EIF3G: variants seen among roughly 807,000 people sequenced by gnomAD.
The protein encoded by EIF3G is eukaryotic translation initiation factor 3 subunit G.
In EIF3G, 10 loss-of-function variants were observed where a neutral mutation model predicts 41.7. The observed-to-expected ratio is 0.24, with a 90% CI of 0.15 to 0.41. The LOEUF is 0.41. Among genes scored for constraint, EIF3G ranks in the 10% least tolerant of loss-of-function variants. The pLI is 1.00. For missense variants in EIF3G, 297 were observed against 444.0 expected, an observed-to-expected ratio of 0.67 and a Z score of 2.98; for synonymous variants, 204 against 172.5, an observed-to-expected ratio of 1.18 and a Z score of -1.43.
rs369841100 is a variant in EIF3G at position 10,115,720 on chromosome 19, G to A, written c.804C>T (p.Ile268=). 5 of 1,614,096 alleles carry A rather than the reference G, an allele frequency of 3.1e-6. No homozygotes were observed. Among genetic ancestry groups the A allele is most frequent in the African/African-American group, 2.7e-5 (2 of 74,954 alleles). The change falls in exon 9 of 11, where the codon ATC becomes ATT. Residue 268 remains isoleucine (I), a synonymous_variant. Coordinates refer to ENST00000253108, the MANE Select transcript of EIF3G (RefSeq NM_003755.5). ...LFRPFGSISR[I]YLAKDKTTGQ... is the part of the protein sequence containing the mutation. ...CAGTGGTCTTGTCCTTAGCCAGGTAGATGCGGGAGATGGAGCCGAAAGGCC... is the reference window on the plus strand; with the variant it reads ...CAGTGGTCTTGTCCTTAGCCAGGTAAATGCGGGAGATGGAGCCGAAAGGCC...
rs536776673 is a variant in EIF3G at position 10,119,305 on chromosome 19, C to T, written c.68-134G>A. 1.6e-5 allele frequency: 16 copies of T among 1,025,408 alleles called. No individual in the cohort carries two copies. The East Asian group carries it at 4.1e-4, about 27-fold the overall frequency. 63.5% of individuals were successfully genotyped at this position (1,025,408 alleles called of 1,614,324 possible). A position where few individuals can be genotyped will look rare whatever the true frequency, so the allele number is the denominator to read the frequency against. ...GGCCAAGGGCAGAGGGCTGGCCAGG[C>T]AACGCACTGGGATGGCCCTGTGGGG... On this transcript the variant is annotated intron_variant, in intron 2 of 10. Transcript: ENST00000253108.
rs1568494853 is a variant in EIF3G, at chr19:10,116,141, G to A, written c.596-67C>T. The A allele has an allele frequency of 3.3e-6, 5 of 1,494,944 alleles. No individual in the cohort carries two copies. Among genetic ancestry groups the A allele is most frequent in the Non-Finnish European group, 3.7e-6 (4 of 1,094,538 alleles). 92.6% of individuals were successfully genotyped at this position (1,494,944 alleles called of 1,614,324 possible). On this transcript the variant is annotated intron_variant, in intron 7 of 10. Transcript: ENST00000253108. The surrounding 1 kb of genome is among the most constrained non-coding windows in gnomAD (Gnocchi z 4.1). ...CAGGCGTGGGGACAGAGCCGCCCCA[G>A]GAAGCTCGGGCTTCAGTGTTGAGCC...
chr19:10,115,441 G>GGCAGGGA, intron 10 of EIF3G, 38 bp downstream of exon 10: 1 of 1,574,040 alleles, frequency 6.4e-7, no homozygotes. Flanking sequence ...GCTGGGACAA[G>GGCAGGGA]GCAGGGAGCA....
chr19:10,118,420 G>GC, intron 5 of EIF3G: 1 of 419,330 alleles, frequency 2.4e-6, no homozygotes, highest in South Asian at 2.3e-5. Context: ...ACAAAAATTA[G>GC]CTGGCGTGGT....
In EIF3G at chr19:10,116,909, G is replaced by C. The variant is rs751110674; in HGVS notation, c.486C>G (p.Gly162=). 1 of 1,613,960 alleles carries C rather than the reference G, an allele frequency of 6.2e-7. No individual in the cohort carries two copies. The highest frequency in any genetic ancestry group is 1.7e-5 in the Admixed American group (1 of 60,000). Residue 162 remains glycine (G), a synonymous_variant, in exon 7 of 11, where the codon GGC becomes GGG. Transcript: ENST00000253108. This position sits in a 1 kb window ranked among gnomAD's most constrained non-coding sequence, Gnocchi z 4.1. ...QKIVSCRICK[G]DHWTTRCPYK... Reference sequence around the variant, plus strand: ...AGGGGCAGCGGGTGGTCCAGTGGTCGCCCTTGCAGATGCGGCAGGACACGA... The same window carrying C: ...AGGGGCAGCGGGTGGTCCAGTGGTCCCCCTTGCAGATGCGGCAGGACACGA...
chr19:10,116,162 G>T lies in EIF3G; in HGVS notation c.596-88C>A. The T allele has an allele frequency of 7.4e-7, 1 of 1,357,734 alleles. No homozygotes were observed. Among genetic ancestry groups the T allele is most frequent in the Non-Finnish European group, 1.0e-6 (1 of 984,420 alleles). The allele number at this position is 1,357,734 out of a possible 1,614,324, so 84.1% of individuals were successfully genotyped here. ...CCCAGGAAGCTCGGGCTTCAGTGTT[G>T]AGCCAGCGCAGGCACTGTGTGCCAA... On this transcript the variant is annotated intron_variant, in intron 7 of 10. Coordinates refer to ENST00000253108, the MANE Select transcript of EIF3G (RefSeq NM_003755.5). The surrounding 1 kb of genome is among the most constrained non-coding windows in gnomAD (Gnocchi z 4.1).
At position 10,116,319 on chromosome 19, in the gene EIF3G, GAGGACAAC is replaced by G; in HGVS notation, c.596-253_596-246del. The G allele has an allele frequency of 1.7e-6, 1 of 576,044 alleles. No homozygotes were observed. The highest frequency in any genetic ancestry group is 3.1e-6 in the Non-Finnish European group (1 of 322,280). 35.7% of individuals were successfully genotyped at this position (576,044 alleles called of 1,614,324 possible). On this transcript the variant is annotated intron_variant, in intron 7 of 10. Transcript: ENST00000253108. This position sits in a 1 kb window ranked among gnomAD's most constrained non-coding sequence, Gnocchi z 4.1. ...CCCGACCCCACCCCAGAGAGGGCGG[GAGGACAAC>G]AGGGGCAGCAGCCTCACATGCACAG... is the stretch of plus-strand genomic sequence containing the variant.
At chr19:10,118,564 CAAA>C (rs61403454) in intron 5 of EIF3G, 101 bp downstream of exon 5, 17,584 of 891,416 alleles carry the variant, frequency 0.02, no homozygotes, top group East Asian at 0.024. Flanking sequence ...CACTCTGTCT[CAAA>C]AAAAAAAAAA....
rs888351041 is a variant in EIF3G, at chr19:10,117,102, C to T, written c.387G>A (p.Thr129=). The T allele has an allele frequency of 5.6e-6, 9 of 1,613,520 alleles. No individual in the cohort carries two copies. The highest frequency in any genetic ancestry group is 1.6e-4 in the Middle Eastern group (1 of 6,076). The change falls in exon 6 of 11, where the codon ACG becomes ACA. Residue 129 remains threonine, a synonymous_variant. Transcript: ENST00000253108. ...TTTVSDDVSM[T]FITSKEDLNC... ...CGCTTACCTCTTTGCTGGTGATGAA[C>T]GTCATAGAGACATCGTCACTGACAG...
intron 10 of EIF3G, 130 bp downstream of exon 10, chr19:10,115,349 T>C: frequency 1.7e-6 from 2 of 1,207,348 alleles, no homozygotes; most frequent in Non-Finnish European, 2.3e-6. Context: ...AAAAAAACAA[T>C]AAAGGACTGT....
chr19:10,116,127 A>G lies in EIF3G; in HGVS notation c.596-53T>C. The G allele has an allele frequency of 6.4e-7, 1 of 1,551,592 alleles. No individual in the cohort carries two copies. Among genetic ancestry groups the G allele is most frequent in the Non-Finnish European group, 8.8e-7 (1 of 1,135,046 alleles). On this transcript the variant is annotated intron_variant, in intron 7 of 10. Coordinates refer to ENST00000253108, the MANE Select transcript of EIF3G (RefSeq NM_003755.5). This position sits in a 1 kb window ranked among gnomAD's most constrained non-coding sequence, Gnocchi z 4.1. ...ACCTCACTGTGGCGCAGGCGTGGGG[A>G]CAGAGCCGCCCCAGGAAGCTCGGGC...
chr19:10,115,339 A>G (rs2145225338), intron 10 of EIF3G, 140 bp downstream of exon 10: 1 of 1,188,324 alleles, frequency 8.4e-7, no homozygotes, highest in South Asian at 1.6e-5. Flanking sequence ...CCGGTTTTGG[A>G]AAAAAACAAT....
chr19:10,119,524 C>G, intron 2 of EIF3G, 130 bp downstream of exon 2: 1 of 1,261,810 alleles, frequency 7.9e-7, no homozygotes. Context: ...AGGCGGGTCC[C>G]AAGGAGGATG....
Position 10,115,036 on chromosome 19 carries a change from T to C in EIF3G, c.*78A>G. On this transcript the variant is annotated 3_prime_UTR_variant, in exon 11 of 11. Coordinates refer to ENST00000253108, the MANE Select transcript of EIF3G (RefSeq NM_003755.5). ...AAGTAGAGAGAGTGGAGCTGCTTTA[T>C]TGCCCTTGGAGCCCGCGCTCTCGGA... 2 of 1,595,404 alleles carry C rather than the reference T, an allele frequency of 1.3e-6. No homozygotes were observed. The highest frequency in any genetic ancestry group is 1.1e-5 in the South Asian group (1 of 89,460).
rs772230875 is a variant in EIF3G at position 10,119,128 on chromosome 19, G to A, written c.111C>T (p.Ala37=). The change falls in exon 3 of 11, where the codon GCC becomes GCT. Residue 37 remains alanine (A), a synonymous_variant. Transcript: ENST00000253108. The stretch of plus-strand genomic sequence containing the variant: ...CTGGCTCTGGGCTGGTGTCACCTGT[G>A]GCCAGAGGGATCCCCTTGAGGAGCT... ...TSELLKGIPL[A]TGDTSPEPEL... The A allele has an allele frequency of 2.1e-5, 33 of 1,601,858 alleles. No individual in the cohort carries two copies. Among genetic ancestry groups the A allele is most frequent in the Non-Finnish European group, 2.6e-6 (3 of 1,173,512 alleles).
At position 10,118,871 on chromosome 19, in the gene EIF3G, G is replaced by A. The variant is rs1021575003; in HGVS notation, c.237C>T (p.Phe79=). The change falls in exon 4 of 11, where the codon TTC becomes TTT. Residue 79 remains phenylalanine (F), a synonymous_variant. Coordinates refer to ENST00000253108, the MANE Select transcript of EIF3G (RefSeq NM_003755.5). ...EYKIDEDGKK[F]KIVRTFRIET... is the part of the protein sequence containing the mutation. ...TCCCTGCACCCCCCACCCTCACCTTGAACTTCTTGCCATCCTCATCTATCT... is the reference window on the plus strand; with the variant it reads ...TCCCTGCACCCCCCACCCTCACCTTAAACTTCTTGCCATCCTCATCTATCT... 1 of 1,612,936 alleles carries A rather than the reference G, an allele frequency of 6.2e-7. No individual in the cohort carries two copies. The highest frequency in any genetic ancestry group is 8.5e-7 in the Non-Finnish European group (1 of 1,179,794).
chr19:10,115,915 C>CGAGGTGCCGG (rs1234394328), intron 8 of EIF3G, 52 bp downstream of exon 8: 1 of 1,605,536 alleles, frequency 6.2e-7, no homozygotes, highest in Non-Finnish European at 8.5e-7. Context: ...GGGATAATTA[C>CGAGGTGCCGG]GAGGTGCCGG....
rs148804879 is a variant in EIF3G at position 10,116,115 on chromosome 19, G to A, written c.596-41C>T. ...CAGTCAAGTTCAACCTCACTGTGGC[G>A]CAGGCGTGGGGACAGAGCCGCCCCA... On this transcript the variant is annotated intron_variant, in intron 7 of 10. Coordinates refer to ENST00000253108, the MANE Select transcript of EIF3G (RefSeq NM_003755.5). The surrounding 1 kb of genome is among the most constrained non-coding windows in gnomAD (Gnocchi z 4.1). The A allele has an allele frequency of 1.6e-5, 26 of 1,584,420 alleles. No individual in the cohort carries two copies. The highest frequency in any genetic ancestry group is 6.7e-5 in the South Asian group (6 of 88,932).
chr19:10,115,701 T>C lies in EIF3G; in HGVS notation c.823A>G (p.Thr275Ala). 1 of 1,614,184 alleles carries C rather than the reference T, an allele frequency of 6.2e-7. No individual in the cohort carries two copies. The highest frequency in any genetic ancestry group is 1.1e-5 in the South Asian group (1 of 91,084). ...ISRIYLAKDKTTGQSKGFAFI... is the reference protein window; with the variant it reads ...ISRIYLAKDKATGQSKGFAFI... ...CTGCCCACCTTGGATTGGCCAGTGG[T>C]CTTGTCCTTAGCCAGGTAGATGCGG... Residue 275 changes from threonine (T) to alanine (A), a missense_variant, in exon 9 of 11, where the codon ACC becomes GCC. By Grantham distance (58) the Thr-to-Ala change is moderately conservative. This residue lies in a region of EIF3G where 91 missense variants were observed against 170.5 expected (regional missense o/e 0.53). Coordinates refer to ENST00000253108, the MANE Select transcript of EIF3G (RefSeq NM_003755.5).
Sources: gnomAD v4.1 joint callset for allele counts on GRCh38, gnomAD v4.1.1 for gene constraint, gnomAD v4.1.1 regional missense constraint, Gnocchi (gnomAD v3.1) non-coding constraint, MANE v1.5 for transcripts, NCBI Gene and HGNC (gene_info 2026-07-23, HGNC 2026-07-21) for gene names.